Variants in ITGB6 observed in about 807,000 individuals in gnomAD.
The protein encoded by ITGB6 is integrin beta-6.
A neutral mutation model predicts 84.5 loss-of-function variants in ITGB6; 80 were observed. The ratio of observed to expected loss-of-function variants is 0.95; its 90% confidence interval spans 0.79 to 1.14. ITGB6 has a LOEUF of 1.14. ITGB6 is among the 50% of genes most tolerant of loss of function. The pLI is 0.00. For missense variants in ITGB6, 1,006 were observed against 968.0 expected, an observed-to-expected ratio of 1.04 and a Z score of -0.52; for synonymous variants, 383 against 354.9, an observed-to-expected ratio of 1.08 and a Z score of -0.89.
At chr2:160,160,587 A>G (rs1221368829) in intron 7 of ITGB6, among the ~76,000 whole-genome samples, 2 of 152,172 alleles carry the variant, frequency 1.3e-5, no homozygotes, top group African/African-American at 2.4e-5. Flanking sequence ...GCTTTTCTGG[A>G]TAATCAGACA....
intron 7 of ITGB6, among the ~76,000 whole-genome samples, chr2:160,148,883 G>C (rs1043889993): frequency 6.6e-6 from 1 of 152,240 alleles, no homozygotes; most frequent in African/African-American, 2.4e-5. Flanking sequence ...CGAGACAGCA[G>C]CCTGGCTGGG....
chr2:160,139,271 C>T (rs1482105300), intron 8 of ITGB6, among the ~76,000 whole-genome samples: 3 of 152,186 alleles, frequency 2.0e-5, no homozygotes, highest in African/African-American at 7.2e-5. Flanking sequence ...TTTAAGTCCA[C>T]ATATCCATTT....
Position 160,137,840 on chromosome 2 carries a change from G to T in ITGB6, c.1254C>A (p.Ser418Arg), listed in dbSNP as rs144315908. Residue 418 changes from serine to arginine, a missense_variant, in exon 10 of 15, where the codon AGC becomes AGA. Ser to Arg is a moderately radical substitution (Grantham distance 110, BLOSUM62 -1). Transcript: ENST00000283249. ...HMKVGDTASF[S>R]VTVNIPHCER... ...CGCAGTGTGGGATATTCACAGTCACGCTGAAGGAAGCCTGGAAAAGAAAAT... is the reference window on the plus strand; with the variant it reads ...CGCAGTGTGGGATATTCACAGTCACTCTGAAGGAAGCCTGGAAAAGAAAAT... The T allele has an allele frequency of 3.7e-6, 6 of 1,612,996 alleles. No individual in the cohort carries two copies. Among genetic ancestry groups the T allele is most frequent in the Admixed American group, 1.7e-5 (1 of 60,000 alleles).
At chr2:160,120,012 A>G (rs1483847195) in intron 12 of ITGB6, among the ~76,000 whole-genome samples, 2 of 151,718 alleles carry the variant, frequency 1.3e-5, no homozygotes, top group Non-Finnish European at 2.9e-5. Flanking sequence ...AAAAGTCAGG[A>G]AACAACAGGT....
chr2:160,182,652 G>A (rs915985246), intron 4 of ITGB6, among the ~76,000 whole-genome samples: 1 of 152,084 alleles, frequency 6.6e-6, no homozygotes, highest in Non-Finnish European at 1.5e-5. Context: ...AAACCACAAA[G>A]ATACTCCCCA....
At chr2:160,170,898 A>G (rs1685174851) in intron 6 of ITGB6, among the ~76,000 whole-genome samples, 1 of 152,172 alleles carries the variant, frequency 6.6e-6, no homozygotes, top group African/African-American at 2.4e-5. Flanking sequence ...TGCTTTTGAA[A>G]AGTTGCAAGA....
intron 7 of ITGB6, among the ~76,000 whole-genome samples, chr2:160,164,064 TA>T (rs1232450377): frequency 1.3e-5 from 2 of 152,066 alleles, no homozygotes; most frequent in Non-Finnish European, 2.9e-5. Flanking sequence ...TAGAAAAGAG[TA>T]AAAACATTGA....
intron 3 of ITGB6, among the ~76,000 whole-genome samples, chr2:160,196,007 A>G (rs1175986918): frequency 6.6e-6 from 1 of 152,206 alleles, no homozygotes; most frequent in African/African-American, 2.4e-5. Flanking sequence ...TTACTATTAG[A>G]GAAGGCTTTT....
intron 7 of ITGB6, among the ~76,000 whole-genome samples, chr2:160,150,149 TA>T (rs1684355597): frequency 6.6e-6 from 1 of 152,060 alleles, no homozygotes; most frequent in Non-Finnish European, 1.5e-5. Flanking sequence ...CCAAGACACA[TA>T]ATTGTCAGAT....
Position 160,107,745 on chromosome 2 carries a change from C to G in ITGB6, c.2202G>C (p.Val734=). The G allele has an allele frequency of 1.2e-6, 2 of 1,614,090 alleles. No homozygotes were observed. Among genetic ancestry groups the G allele is most frequent in the Non-Finnish European group, 1.7e-6 (2 of 1,179,958 alleles). ...VVLLCIWKLL[V]SFHDRKEVAK... The stretch of plus-strand genomic sequence containing the variant: ...CAACTTCTTTACGATCATGAAATGA[C>G]ACCAGTAGCTTCCAGATGCACAGTA... The change falls in exon 14 of 15, where the codon GTG becomes GTC. Residue 734 remains valine (V), a synonymous_variant. Coordinates refer to ENST00000283249, the MANE Select transcript of ITGB6 (RefSeq NM_000888.5).
chr2:160,177,945 G>A (rs923330765), intron 4 of ITGB6, among the ~76,000 whole-genome samples: 11 of 152,096 alleles, frequency 7.2e-5, no homozygotes, highest in Admixed American at 4.6e-4. Context: ...GCATGATCTC[G>A]GCTCACTGCA....
At chr2:160,127,048 A>T (rs1683271441) in intron 10 of ITGB6, among the ~76,000 whole-genome samples, 1 of 152,196 alleles carries the variant, frequency 6.6e-6, no homozygotes. Flanking sequence ...AAACCTTAAG[A>T]CTGACAAAGC....
At chr2:160,139,436 A>G (rs544286996) in intron 8 of ITGB6, among the ~76,000 whole-genome samples, 2 of 152,250 alleles carry the variant, frequency 1.3e-5, no homozygotes, top group East Asian at 1.9e-4. Flanking sequence ...TAAGTTTGCC[A>G]AATGTATAGT....
At chr2:160,134,222 T>G (rs1247355872) in intron 10 of ITGB6, among the ~76,000 whole-genome samples, 2 of 152,276 alleles carry the variant, frequency 1.3e-5, no homozygotes, top group Non-Finnish European at 2.9e-5. Context: ...ATAAACGGGA[T>G]ATCACCACTG....
intron 8 of ITGB6, among the ~76,000 whole-genome samples, chr2:160,141,733 A>G (rs1427130016): frequency 6.6e-6 from 1 of 152,120 alleles, no homozygotes; most frequent in Non-Finnish European, 1.5e-5. Context: ...ACTGTTGCTT[A>G]TTATTATAAA....
chr2:160,195,227 G>A, intron 4 of ITGB6, 142 bp downstream of exon 4: 1 of 1,029,892 alleles, frequency 9.7e-7, no homozygotes, highest in Non-Finnish European at 1.4e-6. Flanking sequence ...AGCAACCTAG[G>A]CCTCTGAGAG....
At chr2:160,197,549 A>G (rs1686392164) in intron 2 of ITGB6, among the ~76,000 whole-genome samples, 1 of 152,158 alleles carries the variant, frequency 6.6e-6, no homozygotes, top group Admixed American at 6.5e-5. Context: ...AACAAAACCA[A>G]TGCTCATACT....
intron 4 of ITGB6, among the ~76,000 whole-genome samples, chr2:160,178,392 G>C (rs572475133): frequency 1.3e-5 from 2 of 152,308 alleles, no homozygotes; most frequent in East Asian, 3.9e-4. Context: ...ATACCATACC[G>C]AAATGACATT....
intron 4 of ITGB6, among the ~76,000 whole-genome samples, chr2:160,184,042 C>T (rs1453583824): frequency 3.3e-5 from 5 of 152,002 alleles, no homozygotes; most frequent in African/African-American, 7.3e-5. Flanking sequence ...GATCTAACAT[C>T]GACACCCTAA....
Sources: allele counts gnomAD v4.1 joint callset (sites outside exome capture counted in the v4.1 genomes callset), GRCh38; gene constraint gnomAD v4.1.1; transcripts MANE v1.5; gene names NCBI Gene and HGNC (gene_info 2026-07-23, HGNC 2026-07-21).